RELN: variants seen among roughly 807,000 people sequenced by gnomAD.
RELN encodes the protein reelin.
A neutral mutation model predicts 427.6 loss-of-function variants in RELN; 108 were observed. The ratio of observed to expected loss-of-function variants is 0.25; its 90% CI spans 0.22 to 0.30. The LOEUF is 0.30. Ranked by LOEUF, RELN falls within the 10% of genes least tolerant of loss-of-function variation. The pLI, the probability that RELN is intolerant of heterozygous loss-of-function variation, is 1.00. For synonymous variants in RELN, 1,524 were observed against 1,513.4 expected (o/e 1.01, Z -0.16); for missense variants, 3,715 against 4,302.8 (o/e 0.86, Z 3.82).
chr7:103,628,952 T>G (rs540990734), intron 20 of RELN, among the ~76,000 whole-genome samples: 56 of 152,264 alleles, frequency 3.7e-4, no homozygotes, highest in African/African-American at 1.3e-3. Flanking sequence ...TGACACTCAC[T>G]ACTTCACTAC....
intron 1 of RELN, among the ~76,000 whole-genome samples, chr7:103,987,028 GCAT>G (rs1420844727): frequency 7.5e-6 from 1 of 134,026 alleles, no homozygotes; most frequent in African/African-American, 2.8e-5. Flanking sequence ...ACATACATAA[GCAT>G]CACTTCATTT....
intron 1 of RELN, 87 bp from the exon 2 acceptor site, chr7:103,917,272 T>A (rs995971206): frequency 2.0e-6 from 2 of 1,012,504 alleles, no homozygotes; most frequent in East Asian, 4.8e-5. Flanking sequence ...GTCAAAACAA[T>A]CTTTACTCAT....
chr7:103,856,697 G>C (rs1043999489), intron 2 of RELN, among the ~76,000 whole-genome samples: 5 of 151,664 alleles, frequency 3.3e-5, no homozygotes, highest in African/African-American at 1.2e-4. Context: ...TTTCAATTAA[G>C]CATGTCTGTG....
intron 1 of RELN, among the ~76,000 whole-genome samples, chr7:103,945,144 T>C (rs1314052141): frequency 3.9e-5 from 6 of 152,130 alleles, no homozygotes; most frequent in African/African-American, 1.4e-4. Flanking sequence ...CTGAATTACA[T>C]GGCAAATACT....
At chr7:103,538,425 C>T (rs1830104488) in intron 45 of RELN, among the ~76,000 whole-genome samples, 1 of 152,122 alleles carries the variant, frequency 6.6e-6, no homozygotes, top group African/African-American at 2.4e-5. Flanking sequence ...CAGCTTTTAT[C>T]TCTCCTACGA....
At chr7:103,653,981 T>C in intron 13 of RELN, 112 bp downstream of exon 13, 1 of 746,966 alleles carries the variant, frequency 1.3e-6, no homozygotes, top group South Asian at 1.4e-5. Flanking sequence ...ACCTCTGGCC[T>C]GTCAGAACAG....
chr7:103,701,083 T>C, intron 8 of RELN, 77 bp from the exon 9 acceptor site: 1 of 866,798 alleles, frequency 1.2e-6, no homozygotes, highest in Admixed American at 1.8e-5. Context: ...ATAAATATTT[T>C]AGATAATTTT....
chr7:103,885,585 T>C (rs1208826872), intron 2 of RELN, among the ~76,000 whole-genome samples: 1 of 151,912 alleles, frequency 6.6e-6, no homozygotes, highest in Non-Finnish European at 1.5e-5. Flanking sequence ...CCGGGGCCTG[T>C]TGTGGGTTGG....
rs566682517 is a variant in RELN, at chr7:103,568,028, C to T, written c.4589-1269G>A. On this transcript the variant is annotated intron_variant, in intron 31 of 64. Coordinates refer to ENST00000428762, the MANE Select transcript of RELN (RefSeq NM_005045.4). ...CTCAGGCTGGTCTCAAACTCCTGGG[C>T]TCAAGCGATCTGCCTGCCTCAGCCT... Among the ~76,000 whole-genome samples, 3 of 152,190 alleles carry T rather than the reference C, an allele frequency of 2.0e-5. No homozygotes were observed. In the East Asian group the frequency reaches 5.8e-4, roughly 29 times the overall value.
intron 2 of RELN, among the ~76,000 whole-genome samples, chr7:103,905,566 T>C (rs1327051812): frequency 1.3e-5 from 2 of 152,206 alleles, no homozygotes; most frequent in African/African-American, 4.8e-5. Flanking sequence ...CAAACACTTG[T>C]GCAGACACAT....
intron 20 of RELN, among the ~76,000 whole-genome samples, chr7:103,619,110 A>C (rs552899304): frequency 7.1e-6 from 1 of 140,390 alleles, no homozygotes; most frequent in Non-Finnish European, 1.5e-5. Context: ...CTCCCTCTCA[A>C]ATTAAAAAAA....
intron 20 of RELN, among the ~76,000 whole-genome samples, chr7:103,629,077 A>G (rs1832394354): frequency 6.6e-6 from 1 of 152,110 alleles, no homozygotes; most frequent in Non-Finnish European, 1.5e-5. Flanking sequence ...CTTCCTCCAG[A>G]TATTTATGTG....
At chr7:103,937,518 T>C (rs1032838836) in intron 1 of RELN, among the ~76,000 whole-genome samples, 2 of 152,200 alleles carry the variant, frequency 1.3e-5, no homozygotes, top group African/African-American at 2.4e-5. Flanking sequence ...GATGATGTGA[T>C]CTTGAAGGTC....
At chr7:103,839,058 A>T (rs1793484655) in intron 2 of RELN, among the ~76,000 whole-genome samples, 1 of 152,220 alleles carries the variant, frequency 6.6e-6, no homozygotes, top group Non-Finnish European at 1.5e-5. Context: ...ATGTCTAGCC[A>T]ATAATTTGCA....
intron 12 of RELN, among the ~76,000 whole-genome samples, chr7:103,654,688 G>C (rs189923141): frequency 1.3e-5 from 2 of 151,996 alleles, no homozygotes; most frequent in Non-Finnish European, 2.9e-5. Flanking sequence ...CATATTATTT[G>C]TACTTTAAAT....
At chr7:103,668,455 G>T (rs114079450) in intron 11 of RELN, among the ~76,000 whole-genome samples, 1,558 of 152,200 alleles carry the variant, frequency 0.01, 24 homozygotes, top group African/African-American at 0.036. Flanking sequence ...ACACACAAGG[G>T]TAAGTGGCTT....
At chr7:103,742,140 A>C (rs1474004572) in intron 6 of RELN, among the ~76,000 whole-genome samples, 1 of 152,232 alleles carries the variant, frequency 6.6e-6, no homozygotes. Context: ...ACCGCTGCTG[A>C]TACCCAGGCA....
chr7:103,818,779 G>A (rs1041079253), intron 3 of RELN, among the ~76,000 whole-genome samples: 3 of 150,920 alleles, frequency 2.0e-5, no homozygotes, highest in Admixed American at 2.0e-4. Context: ...TATTTATTGG[G>A]AAAACACTCA....
intron 4 of RELN, among the ~76,000 whole-genome samples, chr7:103,755,724 G>A (rs539492658): frequency 5.7e-4 from 52 of 91,116 alleles, no homozygotes; most frequent in African/African-American, 2.0e-3. Flanking sequence ...GCTGAGGCAG[G>A]AGAATGGCGT....
Sources: gnomAD v4.1 joint callset for allele counts (sites outside exome capture counted in the v4.1 genomes callset) on GRCh38, gnomAD v4.1.1 for gene constraint, MANE v1.5 for transcripts, NCBI Gene and HGNC (gene_info 2026-07-23, HGNC 2026-07-21) for gene names.